KHDRBS2: variants seen among roughly 807,000 people sequenced by gnomAD.
The protein encoded by KHDRBS2 is KH RNA binding domain containing, signal transduction associated 2.
Under a neutral mutation model 44.3 loss-of-function variants are expected in KHDRBS2, and 26 were observed. The ratio of observed to expected loss-of-function variants is 0.59; its 90% CI spans 0.43 to 0.81. The LOEUF is 0.81. Ranked by LOEUF, KHDRBS2 falls within the 40% of genes least tolerant of loss-of-function variation. KHDRBS2 has a pLI of 0.00. For synonymous variants in KHDRBS2, 194 were observed against 151.1 expected, an observed-to-expected ratio of 1.28 and a Z score of -2.08; for missense variants, 476 against 433.1, an observed-to-expected ratio of 1.10 and a Z score of -0.88.
chr6:61,852,516 A>C (rs932310905), intron 6 of KHDRBS2, among the ~76,000 whole-genome samples: 16 of 151,244 alleles, frequency 1.1e-4, no homozygotes, highest in Non-Finnish European at 2.1e-4. Flanking sequence ...GTGAGACGAG[A>C]TCGCACCACT....
intron 1 of KHDRBS2, among the ~76,000 whole-genome samples, chr6:62,261,309 A>T (rs551517313): frequency 6.6e-6 from 1 of 152,004 alleles, no homozygotes; most frequent in East Asian, 1.9e-4. Flanking sequence ...AGCTCCATGG[A>T]ACTACTTAAC....
At chr6:62,071,581 C>A (rs1795101388) in intron 2 of KHDRBS2, among the ~76,000 whole-genome samples, 1 of 152,106 alleles carries the variant, frequency 6.6e-6, no homozygotes, top group Non-Finnish European at 1.5e-5. Flanking sequence ...TTCCCAGCAC[C>A]ATTTATTAAA....
chr6:61,603,874 C>A, the KHDRBS2 span, among the ~76,000 whole-genome samples: 4 of 152,212 alleles, frequency 2.6e-5, no homozygotes, highest in Admixed American at 6.5e-5. Flanking sequence ...CTGACATACA[C>A]CCCATTTCCC....
intron 6 of KHDRBS2, among the ~76,000 whole-genome samples, chr6:61,833,555 A>G (rs1319470660): frequency 6.6e-6 from 1 of 152,156 alleles, no homozygotes; most frequent in Non-Finnish European, 1.5e-5. Context: ...TATTTGGAAG[A>G]CATTTGGTCG....
intron 6 of KHDRBS2, among the ~76,000 whole-genome samples, chr6:61,886,804 T>G (rs1403412761): frequency 6.6e-6 from 1 of 152,186 alleles, no homozygotes; most frequent in African/African-American, 2.4e-5. Context: ...ACTAATGCTA[T>G]CTCTCCCACT....
At chr6:61,882,811 A>C (rs531563397) in intron 6 of KHDRBS2, among the ~76,000 whole-genome samples, 1 of 152,134 alleles carries the variant, frequency 6.6e-6, no homozygotes, top group East Asian at 1.9e-4. Flanking sequence ...ATCCTCATTA[A>C]CCATTCCTGT....
At chr6:62,284,818 C>T (rs1304390294) in intron 1 of KHDRBS2, among the ~76,000 whole-genome samples, 1 of 152,022 alleles carries the variant, frequency 6.6e-6, no homozygotes, top group Non-Finnish European at 1.5e-5. Context: ...ATTTATTCTT[C>T]CTTGGTACAA....
chr6:62,105,072 A>G (rs1317058948), intron 2 of KHDRBS2, among the ~76,000 whole-genome samples: 1 of 152,144 alleles, frequency 6.6e-6, no homozygotes, highest in African/African-American at 2.4e-5. Context: ...ACAAACAACC[A>G]TTCTCAACAG....
chr6:62,008,927 T>C (rs933194706), intron 3 of KHDRBS2, among the ~76,000 whole-genome samples: 9 of 152,132 alleles, frequency 5.9e-5, no homozygotes, highest in Non-Finnish European at 1.0e-4. Context: ...TATGTCTTTA[T>C]CAGTAGTGTG....
chr6:61,592,299 C>T, the KHDRBS2 span, among the ~76,000 whole-genome samples: 1 of 151,716 alleles, frequency 6.6e-6, no homozygotes, highest in African/African-American at 2.4e-5. Context: ...AAAGAAAAGG[C>T]CAGATGGTTT....
rs145615844 is a variant in KHDRBS2, at chr6:61,697,209, G to C, written c.938C>G (p.Ala313Gly). ...AAAGGTCTTACCGTAGCTGTCATAG[G>C]CATCCTCACTTACTCCATGACCGTA... ...YDYGHGVSEDAYDSYAPEEWA... is the reference protein window; with the variant it reads ...YDYGHGVSEDGYDSYAPEEWA... Residue 313 changes from alanine (A) to glycine (G), a missense_variant, in exon 8 of 9, where the codon GCC becomes GGC. Transcript: ENST00000281156. 3 of 1,607,150 alleles carry C rather than the reference G, an allele frequency of 1.9e-6. No individual in the cohort carries two copies. The highest frequency in any genetic ancestry group is 2.2e-5 in the South Asian group (2 of 90,896).
In KHDRBS2 at chr6:61,754,873, A is replaced by G. The variant is rs80051418; in HGVS notation, c.811-22109T>C. ...CTCTGCTAAAATGAAAATAATAGCA[A>G]TGATTTGCAGCCTTCAGAGTTAGTG... is the stretch of plus-strand genomic sequence containing the variant. On this transcript the variant is annotated intron_variant, in intron 6 of 8. Transcript: ENST00000281156. Among the ~76,000 whole-genome samples, 431 of 152,322 alleles carry G rather than the reference A, an allele frequency of 2.8e-3. 5 individuals are homozygous for G. The highest frequency in any genetic ancestry group is 0.01 in the African/African-American group (416 of 41,576).
intron 2 of KHDRBS2, among the ~76,000 whole-genome samples, chr6:62,117,748 T>A (rs1366735769): frequency 6.6e-6 from 1 of 152,164 alleles, no homozygotes; most frequent in East Asian, 1.9e-4. Flanking sequence ...AGGTCTTAGA[T>A]TTAAATATTT....
intron 4 of KHDRBS2, among the ~76,000 whole-genome samples, chr6:61,925,788 T>G (rs181482424): frequency 6.6e-6 from 1 of 152,050 alleles, no homozygotes; most frequent in East Asian, 1.9e-4. Flanking sequence ...TAATAAAGAT[T>G]AACATGTAAG....
intron 6 of KHDRBS2, among the ~76,000 whole-genome samples, chr6:61,796,311 T>C (rs901521704): frequency 6.6e-6 from 1 of 152,002 alleles, no homozygotes; most frequent in African/African-American, 2.4e-5. Flanking sequence ...CTGAAGATTA[T>C]ATAATAATGA....
intron 3 of KHDRBS2, among the ~76,000 whole-genome samples, chr6:62,009,056 G>A (rs906683490): frequency 2.0e-5 from 3 of 152,140 alleles, no homozygotes; most frequent in African/African-American, 7.2e-5. Flanking sequence ...CAGGTTGAAG[G>A]GTTCAGAGGA....
intron 6 of KHDRBS2, among the ~76,000 whole-genome samples, chr6:61,881,534 A>G (rs565657529): frequency 5.1e-4 from 77 of 152,076 alleles, no homozygotes; most frequent in African/African-American, 1.7e-3. Context: ...AGAAAATTCA[A>G]CATCTCGACA....
At chr6:62,017,724 T>C (rs570447493) in intron 3 of KHDRBS2, among the ~76,000 whole-genome samples, 1 of 152,152 alleles carries the variant, frequency 6.6e-6, no homozygotes, top group Non-Finnish European at 1.5e-5. Context: ...TAAACTGCTC[T>C]AAACTTAATT....
chr6:61,841,493 TA>T (rs1227659688), intron 6 of KHDRBS2, among the ~76,000 whole-genome samples: 3 of 152,212 alleles, frequency 2.0e-5, no homozygotes, highest in Admixed American at 1.3e-4. Flanking sequence ...AATTTGGCTT[TA>T]CAAAGATTAA....
Sources: allele counts gnomAD v4.1 joint callset (sites outside exome capture counted in the v4.1 genomes callset), GRCh38; gene constraint gnomAD v4.1.1; transcripts MANE v1.5; gene names NCBI Gene and HGNC (gene_info 2026-07-23, HGNC 2026-07-21).